The following VPS13C variants were observed in gnomAD, a reference collection of about 807,000 sequenced individuals.
VPS13C encodes the protein vacuolar protein sorting 13 homolog C.
A neutral mutation model predicts 456.8 loss-of-function variants in VPS13C; 358 were observed. The ratio of observed to expected loss-of-function variants is 0.78; its 90% CI spans 0.72 to 0.86. The LOEUF is 0.86. Ranked by LOEUF, VPS13C falls within the 40% of genes least tolerant of loss-of-function variation. The pLI, the probability that VPS13C is intolerant of heterozygous loss-of-function variation, is 0.00. For missense variants in VPS13C, 4,818 were observed against 4,385.4 expected (o/e 1.10, Z -2.79); for synonymous variants, 1,578 against 1,486.7 (o/e 1.06, Z -1.41).
At chr15:61,938,129 A>G (rs1354337431) in intron 47 of VPS13C, among the ~76,000 whole-genome samples, 1 of 152,192 alleles carries the variant, frequency 6.6e-6, no homozygotes, top group Non-Finnish European at 1.5e-5. Flanking sequence ...GCTTGTCCTA[A>G]GCCCCAGGCC....
chr15:61,922,566 T>C lies in VPS13C; in HGVS notation c.6806A>G (p.His2269Arg), dbSNP rs748569463. ...ACCACAATTTTCCTCTATCAGTGAA[T>C]GTTCAATGCCTTTGAAGCTTTCCGT... ...EITESFKGIE[H>R]SLIEENCGVV... Residue 2269 changes from histidine (H) to arginine (R), a missense_variant, in exon 54 of 85, where the codon CAT (histidine) becomes CGT (arginine). Around this residue, in one of 3 missense-constraint regions of VPS13C, gnomAD observed 4,552 missense variants for 4,130.6 expected, o/e 1.10. Transcript: ENST00000644861. The C allele has an allele frequency of 2.5e-6, 4 of 1,614,150 alleles. No individual in the cohort carries two copies. Among genetic ancestry groups the C allele is most frequent in the Non-Finnish European group, 8.5e-7 (1 of 1,179,988 alleles).
chr15:61,960,876 G>C (rs1174639796), intron 35 of VPS13C, among the ~76,000 whole-genome samples: 1 of 152,140 alleles, frequency 6.6e-6, no homozygotes, highest in Non-Finnish European at 1.5e-5. Context: ...AGGAGTTTGA[G>C]ACTAGCCTGG....
intron 65 of VPS13C, among the ~76,000 whole-genome samples, chr15:61,908,725 C>T (rs969682488): frequency 1.3e-5 from 2 of 152,094 alleles, no homozygotes; most frequent in East Asian, 1.9e-4. Flanking sequence ...ACTCATTTGG[C>T]GGCAAAACCT....
At chr15:61,887,363 C>A (rs1364712724) in intron 67 of VPS13C, among the ~76,000 whole-genome samples, 2 of 152,174 alleles carry the variant, frequency 1.3e-5, no homozygotes, top group African/African-American at 4.8e-5. Flanking sequence ...AGTGAGGAAA[C>A]TACCAAAGTC....
intron 53 of VPS13C, among the ~76,000 whole-genome samples, chr15:61,924,146 G>A (rs1003527418): frequency 6.6e-6 from 1 of 151,748 alleles, no homozygotes; most frequent in Non-Finnish European, 1.5e-5. Flanking sequence ...GATTACAGGC[G>A]TGAGGCCACC....
chr15:61,922,333 A>G (rs2043685504), intron 54 of VPS13C, 64 bp downstream of exon 54: 2 of 1,541,948 alleles, frequency 1.3e-6, no homozygotes, highest in African/African-American at 1.4e-5. Context: ...AGAAAAGTGT[A>G]TATCTTAATT....
intron 66 of VPS13C, among the ~76,000 whole-genome samples, chr15:61,897,062 T>G (rs987446181): frequency 6.6e-6 from 1 of 151,984 alleles, no homozygotes; most frequent in Non-Finnish European, 1.5e-5. Flanking sequence ...GAAGGAAAAC[T>G]AACAAACAGA....
intron 18 of VPS13C, among the ~76,000 whole-genome samples, chr15:61,989,249 A>C (rs1039625923): frequency 2.0e-5 from 3 of 151,652 alleles, no homozygotes; most frequent in African/African-American, 4.8e-5. Context: ...AAATACAAAA[A>C]ATTAGCTGGG....
At position 62,013,065 on chromosome 15, in the gene VPS13C, A is replaced by G; in HGVS notation, c.799T>C (p.Tyr267His). Residue 267 changes from tyrosine (Y) to histidine (H), a missense_variant, in exon 11 of 85, where the codon TAC becomes CAC. By Grantham distance (83) the Tyr-to-His change is moderately conservative. Around this residue, in one of 3 missense-constraint regions of VPS13C, gnomAD observed 4,552 missense variants for 4,130.6 expected, o/e 1.10. Coordinates refer to ENST00000644861, the MANE Select transcript of VPS13C (RefSeq NM_020821.3). ...AYWNVNCSMS[Y>H]QRSREQILDQ... ...AAAATCTGTTCCCTTGATCTCTGGT[A>G]AGACATGCTGCAATTTACATTCCAG... is the stretch of plus-strand genomic sequence containing the variant. The G allele has an allele frequency of 1.2e-6, 2 of 1,611,116 alleles. No individual in the cohort carries two copies. Among genetic ancestry groups the G allele is most frequent in the Non-Finnish European group, 1.7e-6 (2 of 1,178,382 alleles).
chr15:62,056,326 T>C (rs930941706), intron 1 of VPS13C, among the ~76,000 whole-genome samples: 4 of 152,230 alleles, frequency 2.6e-5, no homozygotes, highest in Non-Finnish European at 2.9e-5. Flanking sequence ...TAATCCTCGC[T>C]GTACAATCAT....
At chr15:62,016,954 G>A (rs1430238663) in intron 9 of VPS13C, among the ~76,000 whole-genome samples, 1 of 152,126 alleles carries the variant, frequency 6.6e-6, no homozygotes, top group East Asian at 1.9e-4. Flanking sequence ...ACTTTTCAAT[G>A]ATCGCCATTC....
In VPS13C at chr15:61,919,331, T is replaced by C; in HGVS notation, c.7596A>G (p.Ala2532=). 2 of 1,606,964 alleles carry C rather than the reference T, an allele frequency of 1.2e-6. No homozygotes were observed. The highest frequency in any genetic ancestry group is 1.1e-5 in the South Asian group (1 of 89,492). ...GGGTAATTACTTTATTCCCTTCAGT[T>C]GCATCAATTTGTACCAAGACAGAGT... ...HSDSVLVQID[A]TEGNKVITLR... is the part of the protein sequence containing the mutation. Residue 2532 remains alanine (A), a synonymous_variant, in exon 58 of 85, where the codon GCA becomes GCG. Transcript: ENST00000644861.
At chr15:62,037,192 TAATA>T (rs1163534386) in intron 3 of VPS13C, among the ~76,000 whole-genome samples, 4 of 114,402 alleles carry the variant, frequency 3.5e-5, no homozygotes, top group Non-Finnish European at 5.1e-5. Flanking sequence ...AATATAAATA[TAATA>T]AATATAATAT....
Position 61,854,562 on chromosome 15 carries a change from T to C in VPS13C, c.11161-4A>G. Reference sequence around the variant, plus strand: ...CCTCAATGGCATTACATGCTCTCTGTAAAGTAAAATACTTATTATGAATTT... The same window carrying C: ...CCTCAATGGCATTACATGCTCTCTGCAAAGTAAAATACTTATTATGAATTT... On this transcript the variant is annotated splice_polypyrimidine_tract_variant and splice_region_variant and intron_variant, in intron 84 of 84. Coordinates refer to ENST00000644861, the MANE Select transcript of VPS13C (RefSeq NM_020821.3). 6.2e-7 allele frequency: 1 copy of C among 1,613,334 alleles called. No individual in the cohort carries two copies. The highest frequency in any genetic ancestry group is 2.2e-5 in the East Asian group (1 of 44,862).
chr15:61,874,463 G>A (rs1032565214), intron 77 of VPS13C, among the ~76,000 whole-genome samples: 1 of 151,738 alleles, frequency 6.6e-6, no homozygotes, highest in African/African-American at 2.4e-5. Flanking sequence ...ATACAATCAT[G>A]TGTCAATTAA....
Position 61,967,447 on chromosome 15 carries a change from C to T in VPS13C, c.2912G>A (p.Gly971Glu), listed in dbSNP as rs908363371. Residue 971 changes from glycine (G) to glutamate (E), a missense_variant and splice_region_variant, in exon 29 of 85, where the codon GGA becomes GAA. Gly to Glu is a moderately conservative substitution (Grantham distance 98). This residue lies in a region of VPS13C where 4,552 missense variants were observed against 4,130.6 expected (regional missense o/e 1.10). Coordinates refer to ENST00000644861, the MANE Select transcript of VPS13C (RefSeq NM_020821.3). ...KISLDYHEIE[G>E]SKRKPLHLIS... ...CAAGTGAAGGGGCTTCCTTTTGGATCCTAGATTAAAGAAAAAGGAAAAAAA... is the reference window on the plus strand; with the variant it reads ...CAAGTGAAGGGGCTTCCTTTTGGATTCTAGATTAAAGAAAAAGGAAAAAAA... 2 of 1,582,074 alleles carry T rather than the reference C, an allele frequency of 1.3e-6. No homozygotes were observed. The highest frequency in any genetic ancestry group is 1.7e-6 in the Non-Finnish European group (2 of 1,167,582).
At chr15:62,001,445 C>T (rs992731580) in intron 15 of VPS13C, among the ~76,000 whole-genome samples, 1 of 152,144 alleles carries the variant, frequency 6.6e-6, no homozygotes, top group African/African-American at 2.4e-5. Context: ...AATCATAAGA[C>T]ATTAAGCAAA....
chr15:61,929,419 A>G (rs1005713380), intron 51 of VPS13C, 82 bp downstream of exon 51: 2 of 1,509,916 alleles, frequency 1.3e-6, no homozygotes, highest in African/African-American at 2.8e-5. Flanking sequence ...ACGTTCTTAA[A>G]TTTTTCATTT....
chr15:61,989,341 C>A (rs1181310918), intron 18 of VPS13C, among the ~76,000 whole-genome samples: 1 of 151,630 alleles, frequency 6.6e-6, no homozygotes, highest in Non-Finnish European at 1.5e-5. Context: ...GCAGAGGATG[C>A]AGTAAGCCAA....
Sources: allele counts gnomAD v4.1 joint callset (sites outside exome capture counted in the v4.1 genomes callset), GRCh38; gene constraint gnomAD v4.1.1; regional missense constraint gnomAD v4.1.1; transcripts MANE v1.5; gene names NCBI Gene and HGNC (gene_info 2026-07-23, HGNC 2026-07-21).